The following ZNF148 variants were observed in gnomAD, a reference collection of about 807,000 sequenced individuals.
The protein encoded by ZNF148 is zinc finger protein 148.
Under a neutral mutation model 67.7 loss-of-function variants are expected in ZNF148, and 7 were observed. The ratio of observed to expected loss-of-function variants is 0.10; its 90% CI spans 0.06 to 0.19. The LOEUF (loss-of-function observed/expected upper bound fraction) is 0.19, where lower values mean the gene tolerates loss of function less well. Ranked by LOEUF, ZNF148 falls within the 10% of genes least tolerant of loss-of-function variation. The pLI, the probability that ZNF148 is intolerant of heterozygous loss-of-function variation, is 1.00. For missense variants in ZNF148, 583 were observed against 947.1 expected, an observed-to-expected ratio of 0.62 and a Z score of 5.05; for synonymous variants, 333 against 330.7, an observed-to-expected ratio of 1.01 and a Z score of -0.08.
chr3:125,248,970 C>T (rs1194194483), intron 7 of ZNF148, among the ~76,000 whole-genome samples: 1 of 152,170 alleles, frequency 6.6e-6, no homozygotes, highest in Non-Finnish European at 1.5e-5. Flanking sequence ...GAATACCTGT[C>T]TTATTTCTCT....
At chr3:125,252,313 T>C (rs1936873972) in intron 7 of ZNF148, among the ~76,000 whole-genome samples, 1 of 152,156 alleles carries the variant, frequency 6.6e-6, no homozygotes, top group Admixed American at 6.5e-5. Context: ...CCATTCCAAG[T>C]TGTGACATTA....
intron 1 of ZNF148, among the ~76,000 whole-genome samples, chr3:125,335,089 G>A (rs1377588029): frequency 7.5e-6 from 1 of 134,034 alleles, no homozygotes; most frequent in African/African-American, 2.9e-5. Flanking sequence ...CCCTTTTATT[G>A]TTATACATTT....
intron 4 of ZNF148, among the ~76,000 whole-genome samples, chr3:125,301,838 T>C (rs770529251): frequency 2.6e-5 from 4 of 151,230 alleles, no homozygotes; most frequent in Non-Finnish European, 4.4e-5. Flanking sequence ...CCGAGGTGGG[T>C]GGATCACCTG....
intron 4 of ZNF148, among the ~76,000 whole-genome samples, chr3:125,307,404 C>T (rs924049564): frequency 3.3e-5 from 5 of 151,782 alleles, no homozygotes; most frequent in Non-Finnish European, 5.9e-5. Flanking sequence ...CCCGCATTCA[C>T]GCCATTCTCC....
intron 7 of ZNF148, among the ~76,000 whole-genome samples, chr3:125,245,068 G>C: frequency 6.6e-6 from 1 of 151,948 alleles, no homozygotes; most frequent in East Asian, 1.9e-4. Flanking sequence ...TTACTCTCAA[G>C]ATCTCCAAAA....
rs752542874 is a variant in ZNF148, at chr3:125,317,662, T to TATATATATATGTAGAGAG, written c.-16-4007_-16-4006insCTCTCTACATATATATAT. Reference sequence around the variant, plus strand: ...GATCTTTTATATATATATATATATATAGAGAGAGAGAGAGAGAAATACATA... The same window carrying TATATATATATGTAGAGAG: ...GATCTTTTATATATATATATATATATATATATATATGTAGAGAGAGAGAGAGAGAGAGAGAAATACATA... On this transcript the variant is annotated intron_variant, in intron 3 of 8. Transcript: ENST00000360647. Among the ~76,000 whole-genome samples, 3 of 90,052 alleles carry TATATATATATGTAGAGAG rather than the reference T, an allele frequency of 3.3e-5. No homozygotes were observed. In the Admixed American group the frequency reaches 3.5e-4, roughly 11 times the overall value. 59.1% of individuals were successfully genotyped at this position (90,052 alleles called of 152,430 possible).
intron 1 of ZNF148, among the ~76,000 whole-genome samples, chr3:125,352,257 A>G (rs1328992404): frequency 2.0e-5 from 3 of 152,246 alleles, no homozygotes; most frequent in African/African-American, 7.2e-5. Context: ...TACATCATGT[A>G]ACATTACACT....
chr3:125,280,625 G>A (rs1938327306), intron 5 of ZNF148, among the ~76,000 whole-genome samples: 1 of 150,408 alleles, frequency 6.6e-6, no homozygotes, highest in Non-Finnish European at 1.5e-5. Context: ...AGGCTGCAAT[G>A]AGCCATCATC....
Position 125,228,459 on chromosome 3 carries a change from A to C in ZNF148, c.*3882T>G, listed in dbSNP as rs921488207. On this transcript the variant is annotated 3_prime_UTR_variant, in exon 9 of 9. Transcript: ENST00000360647. ...AAGATAATCATTATTAAATGAAATA[A>C]GGATAATTAATAACTCTGAAATGTT... The C allele has an allele frequency of 2.6e-5, 4 of 152,640 alleles. No homozygotes were observed. Among genetic ancestry groups the C allele is most frequent in the African/African-American group, 9.6e-5 (4 of 41,454 alleles). The allele number at this position is 152,640 out of a possible 1,614,324, so 9.5% of individuals were successfully genotyped here.
intron 1 of ZNF148, among the ~76,000 whole-genome samples, chr3:125,341,688 T>C (rs901136652): frequency 5.9e-5 from 9 of 151,926 alleles, no homozygotes; most frequent in Admixed American, 6.6e-5. Flanking sequence ...ATTTTTAAGG[T>C]GGGCTCAATA....
At chr3:125,274,205 C>T (rs186464768) in intron 7 of ZNF148, among the ~76,000 whole-genome samples, 2 of 152,308 alleles carry the variant, frequency 1.3e-5, no homozygotes, top group Admixed American at 6.5e-5. Context: ...CCTTGATATG[C>T]GCTTGATCAG....
In ZNF148 at chr3:125,228,035, G is replaced by T. The variant is rs1399098968; in HGVS notation, c.*4306C>A. ...CTGAGAAACCAAGCTTGAAAAATAA[G>T]TATCTAAAAATCAATGTAGAAAGTT... is the stretch of plus-strand genomic sequence containing the variant. On this transcript the variant is annotated 3_prime_UTR_variant, in exon 9 of 9. Coordinates refer to ENST00000360647, the MANE Select transcript of ZNF148 (RefSeq NM_021964.3). The T allele has an allele frequency of 6.6e-6, 1 of 152,552 alleles. No individual in the cohort carries two copies. Among genetic ancestry groups the T allele is most frequent in the Non-Finnish European group, 1.5e-5 (1 of 68,002 alleles). The allele number at this position is 152,552 out of a possible 1,614,324, so 9.4% of individuals were successfully genotyped here.
intron 1 of ZNF148, among the ~76,000 whole-genome samples, chr3:125,369,692 C>T (rs1215434246): frequency 1.3e-5 from 2 of 151,980 alleles, no homozygotes; most frequent in Admixed American, 1.3e-4. Flanking sequence ...TGAATTATTT[C>T]ACAACTGTCT....
chr3:125,337,743 G>T (rs2107726525), intron 1 of ZNF148, among the ~76,000 whole-genome samples: 1 of 152,250 alleles, frequency 6.6e-6, no homozygotes, highest in African/African-American at 2.4e-5. Flanking sequence ...CAGTTCTTTA[G>T]ATGATGAAAC....
intron 1 of ZNF148, among the ~76,000 whole-genome samples, chr3:125,371,366 AAAAAAAGGGGG>A (rs1942874204): frequency 1.7e-5 from 1 of 58,652 alleles, no homozygotes; most frequent in East Asian, 4.1e-4. Context: ...CAAAAAAAAA[AAAAAAAGGGGG>A]GGGGGGGGGC....
chr3:125,292,702 A>C (rs936684000), intron 4 of ZNF148: 14 of 152,210 alleles, frequency 9.2e-5, no homozygotes, highest in African/African-American at 3.1e-4. Flanking sequence ...GAAAAAGGTC[A>C]GGGTAATTAA....
At position 125,375,082 on chromosome 3, in the gene ZNF148, T is replaced by C. The variant is rs1380211455; in HGVS notation, c.-234+20A>G. 1.5e-5 allele frequency: 2 copies of C among 137,294 alleles called. No homozygotes were observed. The highest frequency in any genetic ancestry group is 2.6e-4 in the South Asian group (1 of 3,808). The allele number at this position is 137,294 out of a possible 1,614,324, so 8.5% of individuals were successfully genotyped here. ...CCCCGCCCTCCCCCGGGCCCGGGCC[T>C]GCCAGGCCGAGCGCTTTACCGCGGG... On this transcript the variant is annotated intron_variant, in intron 1 of 8. Coordinates refer to ENST00000360647, the MANE Select transcript of ZNF148 (RefSeq NM_021964.3).
chr3:125,368,404 A>G (rs1383886199), intron 1 of ZNF148, among the ~76,000 whole-genome samples: 1 of 152,216 alleles, frequency 6.6e-6, no homozygotes, highest in Non-Finnish European at 1.5e-5. Context: ...CTACATGTGA[A>G]GCTATCACCC....
At chr3:125,309,900 A>T (rs1208860505) in intron 4 of ZNF148, among the ~76,000 whole-genome samples, 1 of 152,190 alleles carries the variant, frequency 6.6e-6, no homozygotes, top group Non-Finnish European at 1.5e-5. Flanking sequence ...GGTGGACAAC[A>T]TTCTGGGCCA....
Sources: allele counts gnomAD v4.1 joint callset (sites outside exome capture counted in the v4.1 genomes callset), GRCh38; gene constraint gnomAD v4.1.1; transcripts MANE v1.5; gene names NCBI Gene and HGNC (gene_info 2026-07-23, HGNC 2026-07-21).